CDH13: variants seen among roughly 807,000 people sequenced by gnomAD.
The protein encoded by CDH13 is cadherin-13.
In CDH13, 24 loss-of-function variants were observed where a neutral mutation model predicts 63.8. The observed-to-expected ratio is 0.38, with a 90% CI of 0.27 to 0.53. The LOEUF is 0.53. Among genes scored for constraint, CDH13 ranks in the 20% least tolerant of loss-of-function variants. The pLI, the probability that CDH13 is intolerant of heterozygous loss-of-function variation, is 0.85. For synonymous variants in CDH13, 503 were observed against 355.3 expected (o/e 1.42, Z -4.67); for missense variants, 1,049 against 903.1 (o/e 1.16, Z -2.07).
intron 7 of CDH13, among the ~76,000 whole-genome samples, chr16:83,540,940 A>T (rs1324118431): frequency 2.6e-5 from 4 of 152,168 alleles, no homozygotes; most frequent in Non-Finnish European, 5.9e-5. Flanking sequence ...TATTGTCAAT[A>T]AAATATTTTT....
chr16:83,474,529 A>G (rs2073549411), intron 6 of CDH13, among the ~76,000 whole-genome samples: 1 of 152,194 alleles, frequency 6.6e-6, no homozygotes, highest in Non-Finnish European at 1.5e-5. Context: ...CCCCCAGGCC[A>G]TGTTTGCTCA....
At chr16:83,554,290 GA>G (rs1045579099) in intron 7 of CDH13, among the ~76,000 whole-genome samples, 2 of 151,932 alleles carry the variant, frequency 1.3e-5, no homozygotes, top group Non-Finnish European at 2.9e-5. Flanking sequence ...GATCCCTGGA[GA>G]CAGGAATATG....
chr16:83,045,819 T>C (rs1298179089), intron 3 of CDH13, among the ~76,000 whole-genome samples: 1 of 152,176 alleles, frequency 6.6e-6, no homozygotes, highest in Admixed American at 6.5e-5. Flanking sequence ...ATTCAGTCTT[T>C]TTCCACCCAG....
chr16:82,902,771 C>A (rs537614146), intron 2 of CDH13, among the ~76,000 whole-genome samples: 2 of 152,104 alleles, frequency 1.3e-5, no homozygotes, highest in Non-Finnish European at 2.9e-5. Flanking sequence ...TGTTTGTTTT[C>A]TGTATTTCCC....
At chr16:83,585,770 T>C (rs1318426707) in intron 7 of CDH13, among the ~76,000 whole-genome samples, 2 of 151,676 alleles carry the variant, frequency 1.3e-5, no homozygotes, top group South Asian at 2.1e-4. Context: ...GCCCAACCCA[T>C]ACAGGGCTCG....
At chr16:83,097,822 C>A (rs115121373) in intron 3 of CDH13, among the ~76,000 whole-genome samples, 3,517 of 152,212 alleles carry the variant, frequency 0.023, 143 homozygotes, top group African/African-American at 0.08. Flanking sequence ...TTTTAGAGAG[C>A]CTTTAATATC....
chr16:83,191,530 C>CATATATATATAT (rs71376303), intron 4 of CDH13, among the ~76,000 whole-genome samples: 26 of 74,372 alleles, frequency 3.5e-4, no homozygotes, highest in East Asian at 1.5e-3. Context: ...CACACACACA[C>CATATATATATAT]ATATATATAT....
chr16:83,102,371 A>G (rs972297649), intron 3 of CDH13, among the ~76,000 whole-genome samples: 3 of 152,210 alleles, frequency 2.0e-5, no homozygotes, highest in African/African-American at 7.2e-5. Flanking sequence ...GGCGGAAGAG[A>G]TACCCAGGCA....
chr16:83,601,322 CTCT>C (rs1907770679), intron 7 of CDH13, among the ~76,000 whole-genome samples: 1 of 152,154 alleles, frequency 6.6e-6, no homozygotes, highest in East Asian at 1.9e-4. Context: ...AATGACTGCA[CTCT>C]TCTTCATCTT....
chr16:82,923,123 C>G (rs1254310266), intron 2 of CDH13, among the ~76,000 whole-genome samples: 1 of 152,150 alleles, frequency 6.6e-6, no homozygotes, highest in African/African-American at 2.4e-5. Context: ...AATAGACTTG[C>G]TCAATGCAGG....
In CDH13 at chr16:83,202,843, CATTGAGTACACATGGACATAA is replaced by C. The variant is rs564921984; in HGVS notation, c.484-14500_484-14480del. Among the ~76,000 whole-genome samples, 678 of 152,240 alleles carry C rather than the reference CATTGAGTACACATGGACATAA, an allele frequency of 4.5e-3. 5 individuals carry two copies. Among genetic ancestry groups the C allele is most frequent in the African/African-American group, 0.015 (637 of 41,542 alleles). ...TAAATATTTGGTACAGGGAGATAAA[CATTGAGTACACATGGACATAA>C]AGACAGGAAAAATAGACACTGAAGA... On this transcript the variant is annotated intron_variant, in intron 4 of 13. Transcript: ENST00000567109.
intron 6 of CDH13, among the ~76,000 whole-genome samples, chr16:83,391,046 G>A (rs1194826159): frequency 6.6e-6 from 1 of 152,170 alleles, no homozygotes; most frequent in East Asian, 1.9e-4. Flanking sequence ...CTACTGGTGG[G>A]TTGAACAAAT....
intron 1 of CDH13, among the ~76,000 whole-genome samples, chr16:82,787,841 A>AGTGTGTGTGTGTGGGTGTGTGTGTGTGT (rs10528183): frequency 6.8e-6 from 1 of 146,654 alleles, no homozygotes; most frequent in Non-Finnish European, 1.5e-5. Flanking sequence ...GAAGGGAGGA[A>AGTGTGTGTGTGTGGGTGTGTGTGTGTGT]GTGTGTGTGT....
intron 1 of CDH13, among the ~76,000 whole-genome samples, chr16:82,792,720 T>A (rs73604861): frequency 0.042 from 6,443 of 152,314 alleles, 467 homozygotes; most frequent in African/African-American, 0.15. Flanking sequence ...TTATTTCTTG[T>A]GTTCCTCTTA....
intron 6 of CDH13, among the ~76,000 whole-genome samples, chr16:83,347,778 A>G (rs753866132): frequency 6.6e-6 from 1 of 152,224 alleles, no homozygotes; most frequent in African/African-American, 2.4e-5. Context: ...AGGCTGCCAC[A>G]TCTGCCTTAA....
At chr16:82,773,822 C>T (rs2035369245) in intron 1 of CDH13, among the ~76,000 whole-genome samples, 2 of 149,998 alleles carry the variant, frequency 1.3e-5, no homozygotes, top group South Asian at 4.2e-4. Context: ...TTCACACTGT[C>T]ACCCAGGCTG....
At chr16:82,717,403 T>C (rs1597393685) in intron 1 of CDH13, among the ~76,000 whole-genome samples, 2 of 132,818 alleles carry the variant, frequency 1.5e-5, no homozygotes, top group East Asian at 2.2e-4. Context: ...ACCACTGCAC[T>C]CCAGCCTGGG....
intron 3 of CDH13, among the ~76,000 whole-genome samples, chr16:83,052,616 CT>C (rs539315157): frequency 6.1e-4 from 92 of 151,948 alleles, no homozygotes; most frequent in African/African-American, 2.2e-3. Flanking sequence ...CCTGTCTCTA[CT>C]AAAAATACAA....
At chr16:83,627,095 C>T (rs1910375901) in intron 8 of CDH13, among the ~76,000 whole-genome samples, 1 of 145,622 alleles carries the variant, frequency 6.9e-6, no homozygotes, top group Admixed American at 7.0e-5. Context: ...CCAGCCTCGG[C>T]AATATGAGGA....
Sources: allele counts gnomAD v4.1 joint callset (sites outside exome capture counted in the v4.1 genomes callset), GRCh38; gene constraint gnomAD v4.1.1; transcripts MANE v1.5; gene names NCBI Gene and HGNC (gene_info 2026-07-23, HGNC 2026-07-21).